The following KLHL14 variants were observed in gnomAD, a reference collection of about 807,000 sequenced individuals.
KLHL14 encodes kelch like family member 14.
KLHL14 carries 22 observed loss-of-function variants against 64.3 expected under a neutral mutation model. The observed-to-expected ratio is 0.34, with a 90% CI of 0.24 to 0.49. The LOEUF (loss-of-function observed/expected upper bound fraction) is 0.49. Among genes scored for constraint, KLHL14 ranks in the 20% least tolerant of loss-of-function variants. The probability of loss-of-function intolerance (pLI) is 0.99; values close to 1 mark genes in which losing one functional copy is unlikely to be tolerated. For synonymous variants in KLHL14, 322 were observed against 333.4 expected, an observed-to-expected ratio of 0.97 and a Z score of 0.37; for missense variants, 661 against 789.0, an observed-to-expected ratio of 0.84 and a Z score of 1.94.
At chr18:32,688,382 A>T (rs566179446) in intron 4 of KLHL14, among the ~76,000 whole-genome samples, 2 of 152,270 alleles carry the variant, frequency 1.3e-5, no homozygotes, top group East Asian at 3.9e-4. Flanking sequence ...TGTATTCTAG[A>T]CTCTGGAAAT....
At chr18:32,715,532 C>T (rs1200639850) in intron 3 of KLHL14, among the ~76,000 whole-genome samples, 2 of 151,916 alleles carry the variant, frequency 1.3e-5, no homozygotes, top group African/African-American at 4.8e-5. Flanking sequence ...TAGCTTCAAC[C>T]TATCCTTTAC....
rs570447734 is a variant in KLHL14, at chr18:32,767,238, A to G, written c.947+2407T>C. On this transcript the variant is annotated intron_variant, in intron 2 of 8. Transcript: ENST00000359358. Reference sequence around the variant, plus strand: ...GCTATAATAAATGGGCTGATTTAATATTGTTGGTTGCAACTTACAGCATTT... The same window carrying G: ...GCTATAATAAATGGGCTGATTTAATGTTGTTGGTTGCAACTTACAGCATTT... Among the ~76,000 whole-genome samples, 23 of 152,286 alleles carry G rather than the reference A, an allele frequency of 1.5e-4. No homozygotes were observed. The South Asian group carries it at 4.6e-3, about 30-fold the overall frequency.
chr18:32,716,193 G>A (rs979584222), intron 3 of KLHL14, among the ~76,000 whole-genome samples: 4 of 152,000 alleles, frequency 2.6e-5, no homozygotes, highest in African/African-American at 9.7e-5. Context: ...AATGACCAGT[G>A]CTCTGGTTTA....
At chr18:32,700,484 G>A (rs972651076) in intron 3 of KLHL14, among the ~76,000 whole-genome samples, 4 of 152,022 alleles carry the variant, frequency 2.6e-5, no homozygotes, top group African/African-American at 9.7e-5. Flanking sequence ...CTGTGTTCTC[G>A]GGTTTTCTTT....
At chr18:32,763,625 T>A (rs2050325874) in intron 2 of KLHL14, among the ~76,000 whole-genome samples, 1 of 152,082 alleles carries the variant, frequency 6.6e-6, no homozygotes, top group African/African-American at 2.4e-5. Flanking sequence ...CTTGTGGTAG[T>A]TGCTCAGACA....
intron 2 of KLHL14, among the ~76,000 whole-genome samples, chr18:32,761,791 G>A (rs1598580372): frequency 6.6e-6 from 1 of 152,026 alleles, no homozygotes; most frequent in Admixed American, 6.6e-5. Context: ...TACCATATAC[G>A]TTCAATACAA....
chr18:32,693,234 TCTC>T (rs2049917274), intron 4 of KLHL14, among the ~76,000 whole-genome samples: 1 of 152,096 alleles, frequency 6.6e-6, no homozygotes. Flanking sequence ...TGTAACCAGT[TCTC>T]CTCTATTTAG....
chr18:32,702,341 G>GTT lies in KLHL14; in HGVS notation c.1070-6791_1070-6790dup, dbSNP rs202167787. Among the ~76,000 whole-genome samples, 76 of 123,948 alleles carry GTT rather than the reference G, an allele frequency of 6.1e-4. 1 individual carries two copies. The highest frequency in any genetic ancestry group is 3.7e-3 in the East Asian group (17 of 4,560). The allele number at this position is 123,948 out of a possible 152,430, so 81.3% of individuals were successfully genotyped here. A position where few individuals can be genotyped will look rare whatever the true frequency, so the allele number is the denominator to read the frequency against. On this transcript the variant is annotated intron_variant, in intron 3 of 8. Transcript: ENST00000359358. ...TGCCATGGGCTCTTAGAGGTTTTTT[G>GTT]TTTTTTTTTTTTTTAAAAAAAAGTC... is the stretch of plus-strand genomic sequence containing the variant.
At chr18:32,716,366 C>T (rs1172835953) in intron 3 of KLHL14, among the ~76,000 whole-genome samples, 10 of 150,792 alleles carry the variant, frequency 6.6e-5, no homozygotes, top group East Asian at 1.9e-4. Context: ...GGTGAGAGAA[C>T]AGAATGATGA....
chr18:32,700,273 T>G (rs939947010), intron 3 of KLHL14, among the ~76,000 whole-genome samples: 2 of 152,180 alleles, frequency 1.3e-5, no homozygotes, highest in African/African-American at 4.8e-5. Context: ...TGTGAAGGCC[T>G]TGATATTTTT....
At chr18:32,689,326 T>C (rs1473631275) in intron 4 of KLHL14, among the ~76,000 whole-genome samples, 2 of 152,060 alleles carry the variant, frequency 1.3e-5, no homozygotes, top group African/African-American at 4.8e-5. Flanking sequence ...AGCCCTGGAA[T>C]AGAAGAAGCA....
In KLHL14 at chr18:32,692,136, A is replaced by G. The variant is rs527419860; in HGVS notation, c.1159+3327T>C. Among the ~76,000 whole-genome samples, 52 of 152,348 alleles carry G rather than the reference A, an allele frequency of 3.4e-4. No homozygotes were observed. The South Asian group carries it at 4.1e-3, about 12-fold the overall frequency. ...AGAGTTGATAGGAGTTAATAATTAT[A>G]TCTGAGTAGAAAACCTTATGTGTGT... On this transcript the variant is annotated intron_variant, in intron 4 of 8. Coordinates refer to ENST00000359358, the MANE Select transcript of KLHL14 (RefSeq NM_020805.3).
chr18:32,691,516 T>A (rs1276070133), intron 4 of KLHL14, among the ~76,000 whole-genome samples: 1 of 152,060 alleles, frequency 6.6e-6, no homozygotes, highest in Admixed American at 6.6e-5. Flanking sequence ...CCAGCCTGGA[T>A]AACAGAGTGA....
intron 4 of KLHL14, among the ~76,000 whole-genome samples, chr18:32,690,658 G>A (rs1441243409): frequency 1.3e-5 from 2 of 152,160 alleles, no homozygotes; most frequent in African/African-American, 4.8e-5. Context: ...GAACCCAGAA[G>A]GCGGAGGTTG....
At chr18:32,679,010 G>A (rs2049824754) in intron 7 of KLHL14, among the ~76,000 whole-genome samples, 2 of 152,156 alleles carry the variant, frequency 1.3e-5, no homozygotes, top group African/African-American at 4.8e-5. Flanking sequence ...CGACGTAAAG[G>A]AATGGTGTGT....
At chr18:32,712,142 T>C (rs2144501128) in intron 3 of KLHL14, among the ~76,000 whole-genome samples, 1 of 152,230 alleles carries the variant, frequency 6.6e-6, no homozygotes, top group Non-Finnish European at 1.5e-5. Context: ...AACCACAGAG[T>C]TGAATAGTTG....
At chr18:32,768,669 A>C (rs377436618) in intron 2 of KLHL14, among the ~76,000 whole-genome samples, 1 of 152,220 alleles carries the variant, frequency 6.6e-6, no homozygotes, top group Non-Finnish European at 1.5e-5. Context: ...CTCATTAAAA[A>C]TGGTTTTAAA....
intron 4 of KLHL14, among the ~76,000 whole-genome samples, chr18:32,693,407 C>G (rs1274546817): frequency 1.6e-3 from 197 of 119,774 alleles, no homozygotes; most frequent in African/African-American, 6.2e-3. Flanking sequence ...CACACACACA[C>G]ACACACAGAG....
Position 32,673,550 on chromosome 18 carries a change from A to C in KLHL14, c.*1107T>G, listed in dbSNP as rs1302947212. 1.3e-5 allele frequency: 2 copies of C among 152,178 alleles called. No homozygotes were observed. The highest frequency in any genetic ancestry group is 4.8e-5 in the African/African-American group (2 of 41,440). The allele number at this position is 152,178 out of a possible 1,614,324, so 9.4% of individuals were successfully genotyped here. ...AGGCATCTCTGGTGATAACAAACAAAATATGATGAATTGGGGGAATAACGA... is the reference window on the plus strand; with the variant it reads ...AGGCATCTCTGGTGATAACAAACAACATATGATGAATTGGGGGAATAACGA... On this transcript the variant is annotated 3_prime_UTR_variant, in exon 9 of 9. Coordinates refer to ENST00000359358, the MANE Select transcript of KLHL14 (RefSeq NM_020805.3).
Sources: allele counts gnomAD v4.1 joint callset (sites outside exome capture counted in the v4.1 genomes callset), GRCh38; gene constraint gnomAD v4.1.1; transcripts MANE v1.5; gene names NCBI Gene and HGNC (gene_info 2026-07-23, HGNC 2026-07-21).